Variants in ACSM4 observed in about 807,000 individuals in gnomAD.
ACSM4 encodes acyl-coenzyme A synthetase ACSM4, mitochondrial.
Under a neutral mutation model 73.0 loss-of-function variants are expected in ACSM4, and 66 were observed. The observed-to-expected ratio is 0.90, with a 90% CI of 0.74 to 1.11. ACSM4 has a LOEUF of 1.11. Among genes scored for constraint, ACSM4 ranks in the 50% least tolerant of loss-of-function variants. The pLI is 0.00. For missense variants in ACSM4, 645 were observed against 714.4 expected, an observed-to-expected ratio of 0.90 and a Z score of 1.11; for synonymous variants, 222 against 254.0, an observed-to-expected ratio of 0.87 and a Z score of 1.20.
chr12:7,317,888 TCAC>T (rs1946433155), intron 4 of ACSM4, 135 bp from the exon 5 acceptor site: 1 of 914,172 alleles, frequency 1.1e-6, no homozygotes, highest in Non-Finnish European at 1.6e-6. Flanking sequence ...GTTGAATCTA[TCAC>T]CTTGCCTGGG....
chr12:7,308,683 C>T (rs944935863), intron 2 of ACSM4, among the ~76,000 whole-genome samples: 4 of 152,022 alleles, frequency 2.6e-5, no homozygotes, highest in South Asian at 4.1e-4. Flanking sequence ...TTATATTGAG[C>T]GAATACTCTA....
intron 5 of ACSM4, among the ~76,000 whole-genome samples, chr12:7,320,087 T>C (rs939295048): frequency 7.9e-5 from 12 of 152,190 alleles, no homozygotes; most frequent in African/African-American, 2.9e-4. Flanking sequence ...TTAAGTTTAA[T>C]ACAAATTGTC....
At chr12:7,307,021 G>A (rs981720196) in intron 2 of ACSM4, among the ~76,000 whole-genome samples, 10 of 152,168 alleles carry the variant, frequency 6.6e-5, no homozygotes, top group African/African-American at 1.7e-4. Flanking sequence ...TTGGGAGAAC[G>A]AAGCAGGTGG....
In ACSM4 at chr12:7,320,721, CCAGA is replaced by C. The variant is rs1443615916; in HGVS notation, c.922-1_924del. ...TGACATCTGTGTCTTTCTCCATCAT[CCAGA>C]CACTTACTACTTATCCCATCACGAC... On this transcript the variant is annotated splice_acceptor_variant and splice_polypyrimidine_tract_variant and coding_sequence_variant and intron_variant, in exon 6 of 13. Coordinates refer to ENST00000399422, the MANE Select transcript of ACSM4 (RefSeq NM_001080454.2). LOFTEE classifies it high-confidence loss of function. 1 of 1,611,214 alleles carries C rather than the reference CCAGA, an allele frequency of 6.2e-7. No homozygotes were observed. Among genetic ancestry groups the C allele is most frequent in the Non-Finnish European group, 8.5e-7 (1 of 1,177,552 alleles).
chr12:7,309,932 C>T lies in ACSM4; in HGVS notation c.413-607C>T, dbSNP rs140359431. ...CTGAGTAGCTGGGACTATAGGCGTG[C>T]GCCACCACACCTGGCTAATTTTTGT... On this transcript the variant is annotated intron_variant, in intron 2 of 12. Transcript: ENST00000399422. 2.2e-3 allele frequency among the ~76,000 whole-genome samples: 340 copies of T among 152,192 alleles called. 2 individuals are homozygous for T. The highest frequency in any genetic ancestry group is 7.7e-3 in the African/African-American group (321 of 41,520).
intron 3 of ACSM4, among the ~76,000 whole-genome samples, chr12:7,311,970 C>A (rs1946393471): frequency 6.6e-6 from 1 of 152,180 alleles, no homozygotes; most frequent in Non-Finnish European, 1.5e-5. Flanking sequence ...GGATTACAGG[C>A]ATGAGCCACT....
At chr12:7,304,857 A>G (rs867059411) in intron 1 of ACSM4, among the ~76,000 whole-genome samples, 1 of 152,234 alleles carries the variant, frequency 6.6e-6, no homozygotes, top group South Asian at 2.1e-4. Flanking sequence ...TCGAAAAAGT[A>G]GCAAATTGAG....
At chr12:7,308,849 T>C (rs1946374430) in intron 2 of ACSM4, among the ~76,000 whole-genome samples, 1 of 152,214 alleles carries the variant, frequency 6.6e-6, no homozygotes, top group Non-Finnish European at 1.5e-5. Context: ...TTCAGGGAAC[T>C]CACCAAGAAA....
In ACSM4 at chr12:7,328,463, G is replaced by A; in HGVS notation, c.*90G>A. ...AATTCAGCGACTACTCTCTTAAAAT[G>A]TTTAAGATCTTTCCTGCTTGAAAAC... On this transcript the variant is annotated 3_prime_UTR_variant, in exon 13 of 13. Coordinates refer to ENST00000399422, the MANE Select transcript of ACSM4 (RefSeq NM_001080454.2). 3 of 991,596 alleles carry A rather than the reference G, an allele frequency of 3.0e-6. No homozygotes were observed. The highest frequency in any genetic ancestry group is 3.7e-5 in the Admixed American group (1 of 27,196). 61.4% of individuals were successfully genotyped at this position (991,596 alleles called of 1,614,324 possible).
intron 12 of ACSM4, among the ~76,000 whole-genome samples, chr12:7,327,707 T>C (rs1946519215): frequency 1.3e-5 from 2 of 152,190 alleles, no homozygotes; most frequent in Non-Finnish European, 2.9e-5. Flanking sequence ...ACCTAAAAAC[T>C]ACTCACATTT....
At chr12:7,320,017 C>T (rs1236706387) in intron 5 of ACSM4, among the ~76,000 whole-genome samples, 1 of 152,198 alleles carries the variant, frequency 6.6e-6, no homozygotes. Context: ...AAACATCATA[C>T]TTTATCTGTG....
chr12:7,323,611 T>C, intron 9 of ACSM4, 51 bp downstream of exon 9: 5 of 1,504,820 alleles, frequency 3.3e-6, no homozygotes, highest in Non-Finnish European at 4.6e-6. Context: ...TGGGTTCAAA[T>C]TTCATTTCCA....
chr12:7,324,221 C>G, intron 9 of ACSM4, 52 bp from the exon 10 acceptor site: 1 of 1,598,200 alleles, frequency 6.3e-7, no homozygotes, highest in Non-Finnish European at 8.5e-7. Context: ...GAGTGCCATA[C>G]CCATCTCTGT....
At chr12:7,327,485 A>G (rs768378849) in intron 12 of ACSM4, among the ~76,000 whole-genome samples, 4 of 152,318 alleles carry the variant, frequency 2.6e-5, no homozygotes, top group African/African-American at 9.6e-5. Flanking sequence ...TGAAGTATCA[A>G]GTGACCTCAT....
intron 5 of ACSM4, chr12:7,318,456 T>C (rs1318295631): frequency 2.8e-6 from 1 of 357,152 alleles, no homozygotes; most frequent in Non-Finnish European, 5.0e-6. Flanking sequence ...CTTAAGAAAC[T>C]GGTTCTAAAT....
At chr12:7,304,617 A>T (rs1946351917) in intron 1 of ACSM4, 85 bp downstream of exon 1, 2 of 1,389,110 alleles carry the variant, frequency 1.4e-6, no homozygotes, top group Admixed American at 3.6e-5. Context: ...TCTACCACTT[A>T]ATTCCAATGC....
intron 2 of ACSM4, 104 bp downstream of exon 2, chr12:7,306,847 C>CAAAAA (rs59277746): frequency 5.1e-5 from 25 of 488,356 alleles, no homozygotes; most frequent in Middle Eastern, 6.0e-4. Context: ...ATACAGAAGA[C>CAAAAA]AAAAAAAAAA....
At chr12:7,327,375 G>A (rs940942652) in intron 12 of ACSM4, among the ~76,000 whole-genome samples, 7 of 152,112 alleles carry the variant, frequency 4.6e-5, no homozygotes, top group African/African-American at 1.7e-4. Context: ...AAACACAGTG[G>A]CAAAGAATTG....
intron 1 of ACSM4, 126 bp downstream of exon 1, chr12:7,304,658 GTTTTCCAATTGCCCTCCCCTCTCCCCA>G: frequency 9.5e-7 from 1 of 1,052,186 alleles, no homozygotes; most frequent in Non-Finnish European, 1.4e-6. Flanking sequence ...TCCTTTGTTT[GTTTTCCAATTGCCCTCCCCTCTCCCCA>G]GGGAAGATCT....
Sources: allele counts gnomAD v4.1 joint callset (sites outside exome capture counted in the v4.1 genomes callset), GRCh38; gene constraint gnomAD v4.1.1; transcripts MANE v1.5; gene names NCBI Gene and HGNC (gene_info 2026-07-23, HGNC 2026-07-21).